Variants in UNC79 observed in about 807,000 individuals in gnomAD.
The protein encoded by UNC79 is protein unc-79 homolog.
UNC79 carries 37 observed loss-of-function variants against 283.1 expected under a neutral mutation model. The ratio of observed to expected loss-of-function variants is 0.13; its 90% CI spans 0.10 to 0.17. UNC79 has a LOEUF of 0.17. Ranked by LOEUF, UNC79 falls within the 10% of genes least tolerant of loss-of-function variation. The pLI is 1.00. For synonymous variants in UNC79, 1,107 were observed against 1,200.2 expected (o/e 0.92, Z 1.61); for missense variants, 2,272 against 3,211.1 (o/e 0.71, Z 7.07).
rs1056205813 is a variant in UNC79 at position 93,498,726 on chromosome 14, C to T, written c.898+1440C>T. ...GACAGATATCTACCAAAAAATCCTG[C>T]GAAACAAACAAACAAATCAACAACC... On this transcript the variant is annotated intron_variant, in intron 7 of 48. Transcript: ENST00000555664. Among the ~76,000 whole-genome samples the T allele has an allele frequency of 3.3e-5, 5 of 151,934 alleles. No individual in the cohort carries two copies. The South Asian group carries it at 6.2e-4, about 19-fold the overall frequency.
At chr14:93,462,525 GAGA>G (rs1188336871) in intron 1 of UNC79, among the ~76,000 whole-genome samples, 1 of 152,200 alleles carries the variant, frequency 6.6e-6, no homozygotes, top group Non-Finnish European at 1.5e-5. Context: ...CTGCTCTGAG[GAGA>G]AGGAGTGGAG....
chr14:93,575,163 G>A, exon 17 of UNC79: 1 of 1,614,000 alleles, frequency 6.2e-7, no homozygotes, highest in Non-Finnish European at 8.5e-7. Flanking sequence ...AAAATCAAGA[G>A]TCAGTGAACT....
At chr14:93,355,821 A>G (rs2054075577) in intron 1 of UNC79, among the ~76,000 whole-genome samples, 1 of 152,116 alleles carries the variant, frequency 6.6e-6, no homozygotes, top group Non-Finnish European at 1.5e-5. Context: ...TGCAGCCTTT[A>G]CATAGGTAGC....
At chr14:93,684,703 T>C (rs2074106614) in intron 42 of UNC79, among the ~76,000 whole-genome samples, 1 of 152,176 alleles carries the variant, frequency 6.6e-6, no homozygotes, top group South Asian at 2.1e-4. Context: ...ATTAGGATTA[T>C]GGTGATTTCA....
Position 93,468,467 on chromosome 14 carries a change from C to T in UNC79, c.143+676C>T, listed in dbSNP as rs552961966. Among the ~76,000 whole-genome samples, 4 of 152,352 alleles carry T rather than the reference C, an allele frequency of 2.6e-5. No individual in the cohort carries two copies. The South Asian group carries it at 6.2e-4, about 24-fold the overall frequency. On this transcript the variant is annotated intron_variant, in intron 2 of 48. Coordinates refer to ENST00000555664, the Ensembl canonical transcript of UNC79. ...TTGAAGAATTCAGAAGAACCTCTCA[C>T]GTTCCATTAAATTCCAAGATGTGGT...
At chr14:93,372,192 T>A (rs2054466248) in intron 1 of UNC79, among the ~76,000 whole-genome samples, 1 of 133,422 alleles carries the variant, frequency 7.5e-6, no homozygotes, top group Admixed American at 7.0e-5. Context: ...CATAAATAAT[T>A]TGTTCAAAAT....
intron 1 of UNC79, 68 bp from the exon 2 acceptor site, chr14:93,467,603 A>ATTCTTCTC: frequency 9.3e-7 from 1 of 1,071,458 alleles, no homozygotes; most frequent in Non-Finnish European, 1.1e-6. Flanking sequence ...TTACAAGATG[A>ATTCTTCTC]TTCTTCTCTT....
intron 7 of UNC79, among the ~76,000 whole-genome samples, chr14:93,501,205 A>ACCCCC (rs1386206909): frequency 6.6e-6 from 1 of 152,088 alleles, no homozygotes; most frequent in Non-Finnish European, 1.5e-5. Flanking sequence ...CACGCCTGTG[A>ACCCCC]TCCCAGCTAC....
In UNC79 at chr14:93,558,051, T is replaced by C. The variant is rs533311967; in HGVS notation, c.1756-13843T>C. Reference sequence around the variant, plus strand: ...AAACAAGACAAGAGGGAAACTACATTTGGTTTTTGTTTCAGGGACCCATAG... The same window carrying C: ...AAACAAGACAAGAGGGAAACTACATCTGGTTTTTGTTTCAGGGACCCATAG... On this transcript the variant is annotated intron_variant, in intron 14 of 48. Coordinates refer to ENST00000555664, the Ensembl canonical transcript of UNC79. 3.3e-5 allele frequency among the ~76,000 whole-genome samples: 5 copies of C among 152,240 alleles called. No individual in the cohort carries two copies. The South Asian group carries it at 1.0e-3, about 32-fold the overall frequency.
At chr14:93,345,033 A>G (rs1039335174) in intron 1 of UNC79, among the ~76,000 whole-genome samples, 4 of 152,134 alleles carry the variant, frequency 2.6e-5, no homozygotes, top group African/African-American at 9.7e-5. Flanking sequence ...CATGCCCCAG[A>G]GTTAGGAGGC....
At chr14:93,537,806 C>T (rs1252018695) in intron 11 of UNC79, among the ~76,000 whole-genome samples, 183 bp from the exon 12 acceptor site, 3 of 152,346 alleles carry the variant, frequency 2.0e-5, no homozygotes, top group South Asian at 2.1e-4. Flanking sequence ...AAACACTCCT[C>T]GCCTTTATTT....
At chr14:93,455,547 C>T (rs2056772403) in intron 1 of UNC79, among the ~76,000 whole-genome samples, 1 of 151,800 alleles carries the variant, frequency 6.6e-6, no homozygotes, top group Admixed American at 6.6e-5. Context: ...CACAAGATTA[C>T]TAGTATGTCT....
intron 19 of UNC79, 101 bp from the exon 20 acceptor site, chr14:93,582,102 G>A (rs1047345777): frequency 7.6e-6 from 12 of 1,583,000 alleles, no homozygotes; most frequent in African/African-American, 4.1e-5. Context: ...CATGGGACCC[G>A]AGACACAGCA....
rs181262615 is a variant in UNC79, at chr14:93,560,945, C to T, written c.1756-10949C>T. ...TGTATGAGAAAACGTTGAGTGCCCACGAGCAACCTTTCACTGTTATTTATG... is the reference window on the plus strand; with the variant it reads ...TGTATGAGAAAACGTTGAGTGCCCATGAGCAACCTTTCACTGTTATTTATG... On this transcript the variant is annotated intron_variant, in intron 14 of 48. Transcript: ENST00000555664. 9.9e-5 allele frequency among the ~76,000 whole-genome samples: 15 copies of T among 152,108 alleles called. No homozygotes were observed. The East Asian group carries it at 2.5e-3, about 26-fold the overall frequency.
chr14:93,515,654 A>G (rs2060020142), intron 7 of UNC79, among the ~76,000 whole-genome samples: 1 of 151,986 alleles, frequency 6.6e-6, no homozygotes, highest in African/African-American at 2.4e-5. Context: ...TTCCCTCTAT[A>G]TTCTTACCTT....
At chr14:93,337,279 C>T (rs993537159) in intron 1 of UNC79, among the ~76,000 whole-genome samples, 10 of 152,220 alleles carry the variant, frequency 6.6e-5, no homozygotes, top group Non-Finnish European at 5.9e-5. Context: ...GTCTTGGCTC[C>T]TCTGAGAGCT....
At chr14:93,438,045 T>C (rs1471120258) in intron 1 of UNC79, among the ~76,000 whole-genome samples, 4 of 152,232 alleles carry the variant, frequency 2.6e-5, no homozygotes, top group Non-Finnish European at 5.9e-5. Flanking sequence ...TGTCTGATTC[T>C]GTAATCCAAC....
chr14:93,472,216 G>A (rs1296495330), intron 2 of UNC79, among the ~76,000 whole-genome samples: 1 of 152,110 alleles, frequency 6.6e-6, no homozygotes, highest in African/African-American at 2.4e-5. Context: ...AATTTTCAGT[G>A]GGATTAGAAT....
intron 48 of UNC79, among the ~76,000 whole-genome samples, chr14:93,705,686 C>A (rs2075830384): frequency 6.6e-6 from 1 of 152,226 alleles, no homozygotes; most frequent in African/African-American, 2.4e-5. Flanking sequence ...CTATGACCAG[C>A]AAACAGAGTT....
Sources: allele counts gnomAD v4.1 joint callset (sites outside exome capture counted in the v4.1 genomes callset), GRCh38; gene constraint gnomAD v4.1.1; transcripts MANE v1.5; gene names NCBI Gene and HGNC (gene_info 2026-07-23, HGNC 2026-07-21).